Variants in ITGB3BP observed in about 807,000 individuals in gnomAD.
The protein encoded by ITGB3BP is centromere protein R.
ITGB3BP carries 27 observed loss-of-function variants against 29.1 expected under a neutral mutation model. The ratio of observed to expected loss-of-function variants is 0.93; its 90% CI spans 0.68 to 1.28. The LOEUF is 1.28. ITGB3BP is among the 50% of genes most tolerant of loss of function. The probability of loss-of-function intolerance (pLI) is 0.00; values close to 1 mark genes in which losing one functional copy is unlikely to be tolerated. For synonymous variants in ITGB3BP, 61 were observed against 61.4 expected (o/e 0.99, Z 0.03); for missense variants, 192 against 200.2 (o/e 0.96, Z 0.25).
chr1:63,500,481 T>C (rs969052335), intron 2 of ITGB3BP, among the ~76,000 whole-genome samples: 1 of 152,222 alleles, frequency 6.6e-6, no homozygotes, highest in African/African-American at 2.4e-5. Context: ...TGTATTTCTA[T>C]ACATTAGCAG....
chr1:63,497,757 C>A (rs563901233), intron 2 of ITGB3BP, among the ~76,000 whole-genome samples: 1 of 152,004 alleles, frequency 6.6e-6, no homozygotes, highest in Non-Finnish European at 1.5e-5. Context: ...TGAGTGTGTA[C>A]CTGTCTGTTC....
intron 8 of ITGB3BP, among the ~76,000 whole-genome samples, chr1:63,444,668 C>A (rs1313218258): frequency 7.4e-6 from 1 of 134,456 alleles, no homozygotes; most frequent in East Asian, 2.2e-4. Flanking sequence ...ATATATATAT[C>A]TCCTATTACA....
intron 4 of ITGB3BP, among the ~76,000 whole-genome samples, chr1:63,472,685 C>G (rs1481599360): frequency 6.6e-6 from 1 of 151,322 alleles, no homozygotes; most frequent in Non-Finnish European, 1.5e-5. Flanking sequence ...CTGTGTTGGC[C>G]GGGCTGGTCT....
chr1:63,454,792 C>A lies in ITGB3BP; in HGVS notation c.333+98G>T. ...TCCCATGAAAAGTAAATTAAACATA[C>A]TCTATGCAAACTCTTTCCTGGATTG... is the stretch of plus-strand genomic sequence containing the variant. On this transcript the variant is annotated intron_variant, in intron 5 of 8. Coordinates refer to ENST00000271002, the MANE Select transcript of ITGB3BP (RefSeq NM_014288.5). The surrounding 1 kb of genome is among the most constrained non-coding windows in gnomAD (Gnocchi z 4.1). 1 of 541,740 alleles carries A rather than the reference C, an allele frequency of 1.8e-6. No homozygotes were observed. Among genetic ancestry groups the A allele is most frequent in the South Asian group, 3.8e-5 (1 of 26,476 alleles). 33.6% of individuals were successfully genotyped at this position (541,740 alleles called of 1,614,324 possible). A position where few individuals can be genotyped will look rare whatever the true frequency, so the allele number is the denominator to read the frequency against.
At chr1:63,474,272 G>T (rs1227594520) in intron 4 of ITGB3BP, among the ~76,000 whole-genome samples, 485 of 5,832 alleles carry the variant, frequency 0.083, no homozygotes, top group African/African-American at 0.1. Flanking sequence ...GGAGGGTGGT[G>T]GGGGGGTCAG....
intron 2 of ITGB3BP, among the ~76,000 whole-genome samples, chr1:63,502,513 CTTT>C (rs66468422): frequency 2.1e-5 from 3 of 142,000 alleles, no homozygotes; most frequent in Admixed American, 7.1e-5. Context: ...AAAGGCACTT[CTTT>C]TTTTTTTTTT....
chr1:63,467,474 C>T lies in ITGB3BP; in HGVS notation c.254+11290G>A, dbSNP rs116381568. 5.2e-3 allele frequency among the ~76,000 whole-genome samples: 786 copies of T among 152,028 alleles called. 4 individuals are homozygous for T. Among genetic ancestry groups the T allele is most frequent in the Non-Finnish European group, 6.8e-3 (464 of 67,996 alleles). On this transcript the variant is annotated intron_variant, in intron 4 of 8. Coordinates refer to ENST00000271002, the MANE Select transcript of ITGB3BP (RefSeq NM_014288.5). ...TAGTGATCCTCCCACCTCAGCCTCT[C>T]GAGTAGTGGGACTACAGGCACACCA... is the stretch of plus-strand genomic sequence containing the variant.
chr1:63,444,447 TATATATATATTACATATAGG>T (rs11274944), intron 8 of ITGB3BP, among the ~76,000 whole-genome samples: 101,167 of 135,570 alleles, frequency 0.75, 38,733 homozygotes, highest in African/African-American at 0.86. Context: ...ATATATATCC[TATATATATATTACATATAGG>T]ATATATATAT....
intron 1 of ITGB3BP, among the ~76,000 whole-genome samples, chr1:63,509,526 C>A (rs76604282): frequency 0.014 from 2,196 of 152,132 alleles, 124 homozygotes; most frequent in East Asian, 0.11. Context: ...TAGAAAATGA[C>A]TATTCGTAAG....
At chr1:63,452,079 A>G (rs1029901258) in intron 7 of ITGB3BP, 2 of 152,152 alleles carry the variant, frequency 1.3e-5, no homozygotes, top group African/African-American at 4.8e-5. Flanking sequence ...AATAATAGAA[A>G]ACAGTTTTAA....
chr1:63,499,700 T>C (rs1449012337), intron 2 of ITGB3BP, among the ~76,000 whole-genome samples: 3 of 152,138 alleles, frequency 2.0e-5, no homozygotes, highest in Non-Finnish European at 2.9e-5. Flanking sequence ...TATCAATCAA[T>C]GTAATACACT....
At chr1:63,445,702 C>T (rs1259364029) in intron 8 of ITGB3BP, among the ~76,000 whole-genome samples, 1 of 151,810 alleles carries the variant, frequency 6.6e-6, no homozygotes, top group Non-Finnish European at 1.5e-5. Flanking sequence ...TCAAGTGATC[C>T]TCCCAACTCA....
rs1468402711 is a variant in ITGB3BP, at chr1:63,523,121, A to G, written c.5+8T>C. 39 of 1,614,170 alleles carry G rather than the reference A, an allele frequency of 2.4e-5. No individual in the cohort carries two copies. The highest frequency in any genetic ancestry group is 3.1e-5 in the Non-Finnish European group (36 of 1,180,010). ...CAAAACAGCAATACCTGGGGAGGAGATACCTACGGCATTCTGAGATTCGGG... is the reference window on the plus strand; with the variant it reads ...CAAAACAGCAATACCTGGGGAGGAGGTACCTACGGCATTCTGAGATTCGGG... On this transcript the variant is annotated splice_region_variant and intron_variant, in intron 1 of 8. Transcript: ENST00000271002.
chr1:63,444,446 CTA>C (rs891237125), intron 8 of ITGB3BP, among the ~76,000 whole-genome samples: 1 of 135,908 alleles, frequency 7.4e-6, no homozygotes, highest in Non-Finnish European at 1.6e-5. Flanking sequence ...TATATATATC[CTA>C]TATATATATT....
At chr1:63,509,735 A>G (rs1224352054) in intron 1 of ITGB3BP, among the ~76,000 whole-genome samples, 1 of 152,218 alleles carries the variant, frequency 6.6e-6, no homozygotes, top group Non-Finnish European at 1.5e-5. Flanking sequence ...GCTTTTAGAA[A>G]TCTACTTAAT....
intron 4 of ITGB3BP, among the ~76,000 whole-genome samples, chr1:63,467,270 A>G (rs1645114262): frequency 6.6e-6 from 1 of 152,172 alleles, no homozygotes; most frequent in Non-Finnish European, 1.5e-5. Flanking sequence ...CTCATATCAG[A>G]AAATAGATTA....
intron 4 of ITGB3BP, among the ~76,000 whole-genome samples, chr1:63,465,146 G>A (rs1645077760): frequency 2.0e-5 from 3 of 152,046 alleles, no homozygotes; most frequent in Admixed American, 2.0e-4. Context: ...CACACTGAAG[G>A]ATTTAGCAGT....
chr1:63,485,500 A>G (rs1354514630), intron 3 of ITGB3BP, among the ~76,000 whole-genome samples: 1 of 149,884 alleles, frequency 6.7e-6, no homozygotes, highest in East Asian at 2.0e-4. Context: ...CCCGCCCTCC[A>G]ATTGTTTGAC....
At chr1:63,495,062 C>T (rs978873069) in intron 2 of ITGB3BP, among the ~76,000 whole-genome samples, 2 of 152,176 alleles carry the variant, frequency 1.3e-5, no homozygotes, top group Non-Finnish European at 2.9e-5. Context: ...CCACCTCAGC[C>T]TCCCCCAAAG....
Sources: gnomAD v4.1 joint callset for allele counts (sites outside exome capture counted in the v4.1 genomes callset) on GRCh38, gnomAD v4.1.1 for gene constraint, Gnocchi (gnomAD v3.1) non-coding constraint, MANE v1.5 for transcripts, NCBI Gene and HGNC (gene_info 2026-07-23, HGNC 2026-07-21) for gene names.